The following FBXL13 variants were observed in gnomAD, a reference collection of about 807,000 sequenced individuals.
FBXL13 encodes F-box and leucine rich repeat protein 13.
A neutral mutation model predicts 83.6 loss-of-function variants in FBXL13; 67 were observed. The observed-to-expected ratio is 0.80, with a 90% CI of 0.66 to 0.98. The LOEUF is 0.98. Among genes scored for constraint, FBXL13 ranks in the 50% least tolerant of loss-of-function variants. FBXL13 has a pLI of 0.00. For synonymous variants in FBXL13, 272 were observed against 299.5 expected (o/e 0.91, Z 0.95); for missense variants, 822 against 866.5 (o/e 0.95, Z 0.64).
intron 11 of FBXL13, among the ~76,000 whole-genome samples, chr7:102,888,190 T>G (rs1016224752): frequency 2.6e-5 from 4 of 152,204 alleles, no homozygotes; most frequent in Non-Finnish European, 5.9e-5. Flanking sequence ...GAATTAAATT[T>G]AGGAGTAAGA....
Position 102,883,701 on chromosome 7 carries a change from AT to A in FBXL13, c.1108-17del. On this transcript the variant is annotated splice_polypyrimidine_tract_variant and intron_variant, in intron 12 of 19. Transcript: ENST00000313221. ...CAACTAAAGCCTTTAGAAGAAAAAA[AT>A]GATTAAATTAATCAAGTGTACAGAA... 2 of 1,481,510 alleles carry A rather than the reference AT, an allele frequency of 1.3e-6. No homozygotes were observed. The highest frequency in any genetic ancestry group is 1.2e-5 in the South Asian group (1 of 86,410). The allele number at this position is 1,481,510 out of a possible 1,614,324, so 91.8% of individuals were successfully genotyped here.
chr7:102,826,968 G>A (rs1799846806), intron 18 of FBXL13: 6 of 303,510 alleles, frequency 2.0e-5, no homozygotes, highest in South Asian at 1.3e-4. Flanking sequence ...ATTTATTTGT[G>A]AGAATGTAGC....
chr7:102,991,211 A>G (rs766645424), intron 6 of FBXL13, among the ~76,000 whole-genome samples: 1 of 152,238 alleles, frequency 6.6e-6, no homozygotes, highest in Non-Finnish European at 1.5e-5. Context: ...GAAGTCAAAG[A>G]TATTTCCAAA....
chr7:103,027,493 G>T lies in FBXL13; in HGVS notation c.283C>A (p.Arg95=), dbSNP rs115245242. The T allele has an allele frequency of 1.2e-3, 1,887 of 1,612,398 alleles. 8 individuals are homozygous for T. Among genetic ancestry groups the T allele is most frequent in the Middle Eastern group, 7.9e-3 (48 of 6,046 alleles). The change falls in exon 5 of 20, where the codon CGG becomes AGG. Residue 95 remains arginine, a synonymous_variant. Transcript: ENST00000313221. Reference sequence around the variant, plus strand: ...TTACTCTTATGTCTTGCTGTATTCCGCCATTTTGTTAGGATAATGGTTAGC... The same window carrying T: ...TTACTCTTATGTCTTGCTGTATTCCTCCATTTTGTTAGGATAATGGTTAGC...
In FBXL13 at chr7:102,840,649, T is replaced by G. The variant is rs77020253; in HGVS notation, c.1720-7675A>C. On this transcript the variant is annotated intron_variant, in intron 17 of 19. Transcript: ENST00000313221. ...AAGAAATAAAGAGTTCACGAACTAT[T>G]ATCAGTACTGCTTTCACCTCCCATT... 0.014 allele frequency among the ~76,000 whole-genome samples: 2,132 copies of G among 152,282 alleles called. 118 individuals are homozygous for G. The East Asian group carries it at 0.16, about 11-fold the overall frequency.
chr7:103,025,358 CTACA>C, intron 5 of FBXL13, 128 bp from the exon 7 acceptor site: 1 of 538,234 alleles, frequency 1.9e-6, no homozygotes, highest in South Asian at 3.0e-5. Flanking sequence ...GTCATCATTA[CTACA>C]TAAACTATAA....
intron 7 of FBXL13, among the ~76,000 whole-genome samples, chr7:102,965,762 T>G (rs1258472549): frequency 6.6e-6 from 1 of 152,184 alleles, no homozygotes; most frequent in African/African-American, 2.4e-5. Context: ...CCCCAACAAC[T>G]TCTCTTATCT....
intron 9 of FBXL13, among the ~76,000 whole-genome samples, chr7:102,931,295 C>A (rs1819127608): frequency 6.6e-6 from 1 of 152,196 alleles, no homozygotes; most frequent in Non-Finnish European, 1.5e-5. Context: ...GAGGCAGAGG[C>A]AAAACCACAG....
At chr7:103,055,805 C>A in intron 1 of FBXL13, 58 bp from the exon 2 acceptor site, 1 of 691,242 alleles carries the variant, frequency 1.4e-6, no homozygotes. Context: ...TTTTACTAAG[C>A]AGCACGTAAC....
At chr7:103,060,064 A>ATATATATATATATATAT (rs71110809) in intron 1 of FBXL13, among the ~76,000 whole-genome samples, 5 of 81,924 alleles carry the variant, frequency 6.1e-5, no homozygotes, top group East Asian at 4.6e-4. Context: ...ATATATATAT[A>ATATATATATATATATAT]CTTTTTTTTT....
chr7:102,867,341 C>T lies in FBXL13; in HGVS notation c.1635+10126G>A, dbSNP rs115903576. Among the ~76,000 whole-genome samples the T allele has an allele frequency of 3.8e-3, 579 of 151,690 alleles. 5 individuals are homozygous for T. The highest frequency in any genetic ancestry group is 0.014 in the African/African-American group (572 of 41,272). On this transcript the variant is annotated intron_variant, in intron 16 of 19. Coordinates refer to ENST00000313221, the Ensembl canonical transcript of FBXL13. The stretch of plus-strand genomic sequence containing the variant: ...CCACTGCACTCTGGACTAAGTGACA[C>T]AGAAAGACTCTGTATCCAAAAAAAC...
intron 6 of FBXL13, among the ~76,000 whole-genome samples, chr7:102,970,504 A>G (rs1405360973): frequency 6.6e-6 from 1 of 152,166 alleles, no homozygotes; most frequent in Non-Finnish European, 1.5e-5. Flanking sequence ...TCCACTGGTA[A>G]TAACTCTGGG....
chr7:102,950,357 T>C lies in FBXL13; in HGVS notation c.724+13176A>G, dbSNP rs925083716. On this transcript the variant is annotated intron_variant, in intron 8 of 19. Transcript: ENST00000313221. ...CGATGTAAAGCAACAGGAATTCCCA[T>C]TCATTGCTGATGAGGATGTGGAGCA... Among the ~76,000 whole-genome samples, 8 of 152,190 alleles carry C rather than the reference T, an allele frequency of 5.3e-5. No individual in the cohort carries two copies. In the East Asian group the frequency reaches 1.3e-3, roughly 26 times the overall value.
chr7:102,896,888 A>G lies in FBXL13; in HGVS notation c.1009-12576T>C, dbSNP rs369794256. ...CATATAAATGTTGTTCATTCCATCA[A>G]TGAACAATGGATTCCATCAATCCAT... On this transcript the variant is annotated intron_variant, in intron 11 of 19. Transcript: ENST00000313221. 6.7e-4 allele frequency among the ~76,000 whole-genome samples: 102 copies of G among 152,266 alleles called. 1 individual carries two copies. Among genetic ancestry groups the G allele is most frequent in the Non-Finnish European group, 1.1e-3 (78 of 68,014 alleles).
At chr7:102,916,604 G>A (rs1170936748) in intron 10 of FBXL13, among the ~76,000 whole-genome samples, 1 of 152,098 alleles carries the variant, frequency 6.6e-6, no homozygotes, top group East Asian at 1.9e-4. Flanking sequence ...AATCACAGGT[G>A]GCAAATTTTG....
chr7:102,913,239 G>T (rs746592945), intron 10 of FBXL13, 24 bp from the exon 12 acceptor site: 9 of 1,613,598 alleles, frequency 5.6e-6, no homozygotes, highest in Non-Finnish European at 7.6e-6. Context: ...AGAGAGGAAG[G>T]AAAGTATTAT....
intron 6 of FBXL13, chr7:102,978,632 G>C: frequency 4.8e-6 from 1 of 207,460 alleles, no homozygotes; most frequent in Non-Finnish European, 9.9e-6. Context: ...CAGCCTGCCT[G>C]CACCCAGGTA....
intron 11 of FBXL13, among the ~76,000 whole-genome samples, chr7:102,902,173 C>A (rs776538238): frequency 6.6e-6 from 1 of 152,126 alleles, no homozygotes; most frequent in Non-Finnish European, 1.5e-5. Context: ...ATTTGCATTT[C>A]TCTGATGATC....
At chr7:102,910,791 C>G (rs1231022952) in intron 11 of FBXL13, among the ~76,000 whole-genome samples, 1 of 152,184 alleles carries the variant, frequency 6.6e-6, no homozygotes, top group African/African-American at 2.4e-5. Flanking sequence ...CAAGGTCTCA[C>G]TCTGTCTCCC....
Sources: allele counts gnomAD v4.1 joint callset (sites outside exome capture counted in the v4.1 genomes callset), GRCh38; gene constraint gnomAD v4.1.1; transcripts MANE v1.5; gene names NCBI Gene and HGNC (gene_info 2026-07-23, HGNC 2026-07-21).